The following MARK1 variants were observed in gnomAD, a reference collection of about 807,000 sequenced individuals.
The protein encoded by MARK1 is serine/threonine-protein kinase MARK1.
Under a neutral mutation model 96.3 loss-of-function variants are expected in MARK1, and 40 were observed. That is an observed-to-expected ratio of 0.42 (90% CI 0.32 to 0.54). MARK1 has a LOEUF of 0.54. Among genes scored for constraint, MARK1 ranks in the 20% least tolerant of loss-of-function variants. The pLI is 0.16. For synonymous variants in MARK1, 317 were observed against 341.2 expected, an observed-to-expected ratio of 0.93 and a Z score of 0.78; for missense variants, 719 against 984.6, an observed-to-expected ratio of 0.73 and a Z score of 3.61.
intron 3 of MARK1, among the ~76,000 whole-genome samples, chr1:220,592,419 A>C (rs114210840): frequency 2.9e-4 from 44 of 152,068 alleles, no homozygotes; most frequent in African/African-American, 1.1e-3. Flanking sequence ...CCAAGAAGCC[A>C]GGGTCCTCAG....
intron 3 of MARK1, among the ~76,000 whole-genome samples, chr1:220,585,636 A>G (rs1000374968): frequency 1.3e-5 from 2 of 152,156 alleles, no homozygotes; most frequent in Non-Finnish European, 2.9e-5. Context: ...TCAAAAATCT[A>G]TTTGCTAATA....
At chr1:220,540,720 A>G (rs954776521) in intron 1 of MARK1, among the ~76,000 whole-genome samples, 8 of 15,140 alleles carry the variant, frequency 5.3e-4, no homozygotes, top group African/African-American at 5.7e-4. Flanking sequence ...TTTGAGTCCT[A>G]TCTTTTTTTC....
chr1:220,618,170 C>T lies in MARK1; in HGVS notation c.553-140C>T. On this transcript the variant is annotated intron_variant, in intron 7 of 17. Transcript: ENST00000366917. The surrounding 1 kb of genome is among the most constrained non-coding windows in gnomAD (Gnocchi z 4.6). Reference sequence around the variant, plus strand: ...TCAGAACAGTTATGCATTGAAGTACCATACTGGGCTTCTAAATTTGATACT... The same window carrying T: ...TCAGAACAGTTATGCATTGAAGTACTATACTGGGCTTCTAAATTTGATACT... 3.2e-6 allele frequency: 2 copies of T among 619,706 alleles called. No individual in the cohort carries two copies. Among genetic ancestry groups the T allele is most frequent in the African/African-American group, 1.8e-5 (1 of 54,204 alleles). 38.4% of individuals were successfully genotyped at this position (619,706 alleles called of 1,614,324 possible).
intron 6 of MARK1, among the ~76,000 whole-genome samples, chr1:220,607,987 T>C (rs753287110): frequency 1.3e-5 from 2 of 152,228 alleles, no homozygotes; most frequent in Non-Finnish European, 2.9e-5. Flanking sequence ...TGCATTGATG[T>C]TCTTCAGGGA....
At chr1:220,596,189 G>A (rs1197469829) in intron 3 of MARK1, among the ~76,000 whole-genome samples, 2 of 152,120 alleles carry the variant, frequency 1.3e-5, no homozygotes, top group East Asian at 3.9e-4. Flanking sequence ...GATAAAGGGG[G>A]CTAAGGGCTG....
intron 1 of MARK1, among the ~76,000 whole-genome samples, chr1:220,543,142 G>C (rs778483163): frequency 6.6e-6 from 1 of 152,122 alleles, no homozygotes; most frequent in Non-Finnish European, 1.5e-5. Context: ...TGAATAGATC[G>C]AACTATGAGC....
intron 9 of MARK1, chr1:220,626,078 G>A (rs1667313808): frequency 5.1e-6 from 3 of 592,936 alleles, no homozygotes; most frequent in South Asian, 4.6e-5. Context: ...TTGTCTACTG[G>A]TGGCTCTCTG....
intron 12 of MARK1, 46 bp downstream of exon 12, chr1:220,635,575 C>G: frequency 1.3e-6 from 2 of 1,580,076 alleles, no homozygotes; most frequent in Non-Finnish European, 1.7e-6. Flanking sequence ...GGGTTCTTCC[C>G]AAATTTGTGT....
rs962572903 is a variant in MARK1, at chr1:220,618,024, G to A, written c.553-286G>A. ...TTTCTGACTGTGAGGAAAAAAATGA[G>A]TTTAAAATAACCTATGAAAGAAAAT... On this transcript the variant is annotated intron_variant, in intron 7 of 17. Transcript: ENST00000366917. This position sits in a 1 kb window ranked among gnomAD's most constrained non-coding sequence, Gnocchi z 4.6. Among the ~76,000 whole-genome samples the A allele has an allele frequency of 6.6e-6, 1 of 152,142 alleles. No homozygotes were observed. Among genetic ancestry groups the A allele is most frequent in the Non-Finnish European group, 1.5e-5 (1 of 68,016 alleles).
At chr1:220,627,432 A>T (rs1667410374) in intron 9 of MARK1, 2 of 476,528 alleles carry the variant, frequency 4.2e-6, no homozygotes, top group Non-Finnish European at 8.7e-6. Flanking sequence ...GTCAAGGAGG[A>T]GGTCAGGTTG....
At chr1:220,628,632 A>C (rs10495150) in intron 9 of MARK1, among the ~76,000 whole-genome samples, 24,757 of 151,964 alleles carry the variant, frequency 0.16, 5,686 homozygotes, top group African/African-American at 0.52. Flanking sequence ...TGAGGCTGTA[A>C]TCTGAGCCCT....
chr1:220,537,115 T>C (rs1660753802), intron 1 of MARK1, among the ~76,000 whole-genome samples: 1 of 151,832 alleles, frequency 6.6e-6, no homozygotes, highest in African/African-American at 2.4e-5. Context: ...TAATTTAAGT[T>C]TTAGGGTACA....
chr1:220,544,867 T>C (rs1480256631), intron 1 of MARK1, among the ~76,000 whole-genome samples: 1 of 152,232 alleles, frequency 6.6e-6, no homozygotes, highest in Non-Finnish European at 1.5e-5. Context: ...GGTTTGCTTT[T>C]ATTTCCTTTT....
intron 3 of MARK1, among the ~76,000 whole-genome samples, chr1:220,587,825 A>C (rs183308379): frequency 6.6e-6 from 1 of 151,752 alleles, no homozygotes; most frequent in Non-Finnish European, 1.5e-5. Context: ...CTAGTTAACT[A>C]TTTGTTTTTA....
At chr1:220,583,212 T>G (rs1221750684) in intron 3 of MARK1, among the ~76,000 whole-genome samples, 1 of 152,178 alleles carries the variant, frequency 6.6e-6, no homozygotes, top group Admixed American at 6.5e-5. Flanking sequence ...AAGGATTCAT[T>G]GTAATCTCAC....
At chr1:220,543,406 A>C (rs1382522203) in intron 1 of MARK1, among the ~76,000 whole-genome samples, 4 of 152,202 alleles carry the variant, frequency 2.6e-5, no homozygotes, top group African/African-American at 9.6e-5. Context: ...ATTTCCAAAA[A>C]TTTTTATACT....
intron 1 of MARK1, among the ~76,000 whole-genome samples, chr1:220,542,651 C>T (rs1243062352): frequency 6.6e-6 from 1 of 152,108 alleles, no homozygotes; most frequent in East Asian, 1.9e-4. Context: ...TATTTGACTC[C>T]AGGGTAACTA....
chr1:220,626,121 A>G (rs1326816698), intron 9 of MARK1: 8 of 617,014 alleles, frequency 1.3e-5, no homozygotes, highest in Non-Finnish European at 2.2e-5. Flanking sequence ...AGCAGCAGAT[A>G]GACATCGCTG....
chr1:220,661,480 T>C (rs150114504), intron 17 of MARK1, among the ~76,000 whole-genome samples: 2 of 152,334 alleles, frequency 1.3e-5, no homozygotes, highest in East Asian at 3.9e-4. Flanking sequence ...TGGTTCCTAT[T>C]TTGTGTGTGT....
Sources: gnomAD v4.1 joint callset for allele counts (sites outside exome capture counted in the v4.1 genomes callset) on GRCh38, gnomAD v4.1.1 for gene constraint, Gnocchi (gnomAD v3.1) non-coding constraint, MANE v1.5 for transcripts, NCBI Gene and HGNC (gene_info 2026-07-23, HGNC 2026-07-21) for gene names.